Variants in PUDP observed in about 807,000 individuals in gnomAD.
The protein encoded by PUDP is pseudouridine-5'-phosphatase.
Under a neutral mutation model 9.4 loss-of-function variants are expected in PUDP, and 8 were observed. The observed-to-expected ratio is 0.85, with a 90% CI of 0.50 to 1.53. PUDP has a LOEUF of 1.53. Among genes scored for constraint, PUDP ranks in the 40% most tolerant of loss-of-function variants. The pLI, the probability that PUDP is intolerant of heterozygous loss-of-function variation, is 0.00. For synonymous variants in PUDP, 99 were observed against 80.7 expected, an observed-to-expected ratio of 1.23 and a Z score of -1.22; for missense variants, 188 against 189.7, an observed-to-expected ratio of 0.99 and a Z score of 0.05.
At chrX:6,820,841 C>A (rs2146707236) in intron 3 of PUDP, among the ~76,000 whole-genome samples, 1 of 111,419 alleles carries the variant, frequency 9.0e-6, no homozygotes, top group Non-Finnish European at 1.9e-5. Context: ...GTGGATGTAC[C>A]ATTCTGGGGT....
At chrX:7,063,843 T>G (rs1310584182) in intron 3 of PUDP, among the ~76,000 whole-genome samples, 2 of 110,967 alleles carry the variant, frequency 1.8e-5, no homozygotes, top group Non-Finnish European at 3.8e-5. Flanking sequence ...GAGATGGGGT[T>G]TTGCCCTTTG....
At chrX:6,767,063 A>G (rs183451363) in intron 3 of PUDP, among the ~76,000 whole-genome samples, 314 of 113,207 alleles carry the variant, frequency 2.8e-3, no homozygotes, top group Non-Finnish European at 4.7e-3. Context: ...ATAAGAATTT[A>G]CAAGGTTTTT....
chrX:7,143,095 C>A (rs1158200915), intron 1 of PUDP, among the ~76,000 whole-genome samples: 2 of 111,429 alleles, frequency 1.8e-5, no homozygotes. Context: ...CACCTTCCAC[C>A]AGCAAAAGAA....
At chrX:6,853,720 T>C (rs991035682) in intron 3 of PUDP, among the ~76,000 whole-genome samples, 2 of 111,951 alleles carry the variant, frequency 1.8e-5, no homozygotes, top group African/African-American at 6.5e-5. Context: ...AATGAAATCA[T>C]ACAATATGTG....
intron 3 of PUDP, among the ~76,000 whole-genome samples, chrX:6,914,277 G>A (rs1485922697): frequency 9.0e-6 from 1 of 110,773 alleles, no homozygotes; most frequent in Non-Finnish European, 1.9e-5. Flanking sequence ...ACAAGCTAAA[G>A]TGAGTTAAAC....
intron 3 of PUDP, among the ~76,000 whole-genome samples, chrX:6,968,284 G>A (rs1369721621): frequency 8.9e-6 from 1 of 112,297 alleles, no homozygotes; most frequent in Admixed American, 9.4e-5. Flanking sequence ...AAATAAGGTG[G>A]GATGCAGAGA....
At chrX:6,840,599 G>A (rs1926652744) in intron 3 of PUDP, among the ~76,000 whole-genome samples, 1 of 111,829 alleles carries the variant, frequency 8.9e-6, no homozygotes, top group Admixed American at 9.5e-5. Flanking sequence ...TTAGTGGGGA[G>A]AAAAGGATGC....
At chrX:7,003,655 C>A (rs1010839309) in intron 1 of PUDP, among the ~76,000 whole-genome samples, 9 of 111,668 alleles carry the variant, frequency 8.1e-5, no homozygotes, top group African/African-American at 2.9e-4. Flanking sequence ...GAATTTTTTT[C>A]TCTTCATGCC....
chrX:7,043,010 C>G (rs1929942750), intron 1 of PUDP, among the ~76,000 whole-genome samples: 1 of 111,705 alleles, frequency 9.0e-6, no homozygotes, highest in Non-Finnish European at 1.9e-5. Flanking sequence ...GCTGTGAACA[C>G]CGGCCACCCT....
intron 3 of PUDP, among the ~76,000 whole-genome samples, chrX:6,909,127 A>G (rs1927811662): frequency 2.7e-5 from 3 of 112,370 alleles, no homozygotes; most frequent in African/African-American, 9.7e-5. Context: ...ATCTTCTTAT[A>G]AAAATCAGTA....
intron 3 of PUDP, among the ~76,000 whole-genome samples, chrX:6,950,640 G>A (rs1403767259): frequency 9.1e-6 from 1 of 109,326 alleles, no homozygotes; most frequent in Non-Finnish European, 1.9e-5. Flanking sequence ...TTGATCTCCT[G>A]ACCTCGTGAT....
At chrX:6,922,738 C>G (rs759304741) in intron 3 of PUDP, among the ~76,000 whole-genome samples, 1 of 112,431 alleles carries the variant, frequency 8.9e-6, no homozygotes, top group Admixed American at 9.4e-5. Context: ...TCTCCATCCA[C>G]TTGGTTTCAT....
chrX:6,971,715 C>T (rs192489790), intron 3 of PUDP, among the ~76,000 whole-genome samples: 80 of 111,249 alleles, frequency 7.2e-4, no homozygotes, highest in African/African-American at 2.4e-3. Context: ...TGAGCCACTG[C>T]GCCTGGCCTA....
intron 3 of PUDP, among the ~76,000 whole-genome samples, chrX:6,907,527 T>G (rs1284012901): frequency 8.9e-6 from 1 of 111,844 alleles, no homozygotes; most frequent in African/African-American, 3.3e-5. Context: ...GCATGCTACA[T>G]ACACATTTAA....
At chrX:7,148,002 A>AC in intron 1 of PUDP, 51 bp downstream of exon 1, 1 of 995,152 alleles carries the variant, frequency 1.0e-6, no homozygotes, top group South Asian at 2.1e-5. Flanking sequence ...GACCGTCCCC[A>AC]CGCCCACACA....
At chrX:6,932,775 G>A (rs1207224987) in intron 3 of PUDP, among the ~76,000 whole-genome samples, 1 of 111,954 alleles carries the variant, frequency 8.9e-6, no homozygotes, top group Admixed American at 9.4e-5. Context: ...CGAATACTGC[G>A]CTTTTCAGAC....
At chrX:6,723,022 T>C (rs1924691525), upstream of PUDP, among the ~76,000 whole-genome samples, 1 of 111,008 alleles carries the variant, frequency 9.0e-6, no homozygotes, top group Non-Finnish European at 1.9e-5. Context: ...TGTACCTCAT[T>C]GTGATATTAC....
At chrX:6,987,953 G>A (rs1228789275) in intron 1 of PUDP, among the ~76,000 whole-genome samples, 1 of 111,412 alleles carries the variant, frequency 9.0e-6, no homozygotes, top group East Asian at 2.8e-4. Context: ...AGAAAACTGA[G>A]GTTCTCAGGT....
At chrX:7,097,300 TC>T (rs1217364712) in intron 2 of PUDP, among the ~76,000 whole-genome samples, 6 of 111,594 alleles carry the variant, frequency 5.4e-5, no homozygotes, top group Non-Finnish European at 9.4e-5. Context: ...GAGCCACAAT[TC>T]CTCTCTGAAG....
Sources: gnomAD v4.1 joint callset for allele counts (sites outside exome capture counted in the v4.1 genomes callset) on GRCh38, gnomAD v4.1.1 for gene constraint, MANE v1.5 for transcripts, NCBI Gene and HGNC (gene_info 2026-07-23, HGNC 2026-07-21) for gene names.